MDGA1: variants seen among roughly 807,000 people sequenced by gnomAD.
The protein encoded by MDGA1 is MAM domain containing glycosylphosphatidylinositol anchor 1.
A neutral mutation model predicts 101.5 loss-of-function variants in MDGA1; 54 were observed. That is an observed-to-expected ratio of 0.53 (90% CI 0.43 to 0.67). MDGA1 has a LOEUF of 0.67. Ranked by LOEUF, MDGA1 falls within the 30% of genes least tolerant of loss-of-function variation. MDGA1 has a pLI of 0.00. For missense variants in MDGA1, 1,083 were observed against 1,323.8 expected, an observed-to-expected ratio of 0.82 and a Z score of 2.82; for synonymous variants, 533 against 558.3, an observed-to-expected ratio of 0.95 and a Z score of 0.64.
intron 1 of MDGA1, among the ~76,000 whole-genome samples, chr6:37,667,236 G>T (rs1247898832): frequency 1.3e-5 from 2 of 152,168 alleles, no homozygotes; most frequent in East Asian, 3.9e-4. Context: ...GGTGGACAGT[G>T]GTAGCTGCTA....
rs191361646 is a variant in MDGA1, at chr6:37,685,938, T to C, written c.67+10807A>G. On this transcript the variant is annotated intron_variant, in intron 1 of 16. Coordinates refer to ENST00000434837, the MANE Select transcript of MDGA1 (RefSeq NM_153487.4). ...GTGGGGTGAGTGAGGAGGAGAGCAG[T>C]CATTCACATTCATCTAAATCCCCTT... 4.6e-5 allele frequency among the ~76,000 whole-genome samples: 7 copies of C among 152,156 alleles called. No homozygotes were observed. The East Asian group carries it at 1.4e-3, about 29-fold the overall frequency.
In MDGA1 at chr6:37,647,156, G is replaced by A. The variant is rs765929504; in HGVS notation, c.2046+17C>T. The A allele has an allele frequency of 1.3e-5, 21 of 1,583,344 alleles. No homozygotes were observed. Among genetic ancestry groups the A allele is most frequent in the Admixed American group, 9.0e-5 (5 of 55,364 alleles). On this transcript the variant is annotated intron_variant, in intron 10 of 16. Coordinates refer to ENST00000434837, the MANE Select transcript of MDGA1 (RefSeq NM_153487.4). ...ACACTCCACCTGCCCCCAGGCCCCC[G>A]CTCCCCCTTGGCCCACCTGGCGGAT... is the stretch of plus-strand genomic sequence containing the variant.
At chr6:37,663,753 A>G (rs1761677892) in intron 2 of MDGA1, among the ~76,000 whole-genome samples, 1 of 152,174 alleles carries the variant, frequency 6.6e-6, no homozygotes, top group African/African-American at 2.4e-5. Flanking sequence ...TTTTCCCCTC[A>G]GCCGTCCATG....
chr6:37,696,793 G>C lies in MDGA1; in HGVS notation c.19C>G (p.Leu7Val). 1.3e-6 allele frequency: 2 copies of C among 1,580,920 alleles called. No homozygotes were observed. Among genetic ancestry groups the C allele is most frequent in the Non-Finnish European group, 1.7e-6 (2 of 1,162,888 alleles). MEVTCL[L>V]LLALIPFHCR... Reference sequence around the variant, plus strand: ...TGGAAGGGGATCAGCGCCAGAAGTAGAAGGCAGGTCACCTCCATCTTCACG... The same window carrying C: ...TGGAAGGGGATCAGCGCCAGAAGTACAAGGCAGGTCACCTCCATCTTCACG... The change falls in exon 1 of 17, where the codon CTA becomes GTA. Residue 7 changes from leucine to valine, a missense_variant. Leu to Val is a conservative substitution (Grantham distance 32, BLOSUM62 1). Around this residue, in one of 3 missense-constraint regions of MDGA1, gnomAD observed 310 missense variants for 355.9 expected, o/e 0.87. Coordinates refer to ENST00000434837, the MANE Select transcript of MDGA1 (RefSeq NM_153487.4). This position sits in a 1 kb window ranked among gnomAD's most constrained non-coding sequence, Gnocchi z 5.6.
At chr6:37,691,051 T>G (rs1349345163) in intron 1 of MDGA1, among the ~76,000 whole-genome samples, 1 of 152,166 alleles carries the variant, frequency 6.6e-6, no homozygotes, top group African/African-American at 2.4e-5. Context: ...CCTTGCTACA[T>G]GACATTTATC....
At position 37,649,135 on chromosome 6, in the gene MDGA1, G is replaced by C. The variant is rs1286742218; in HGVS notation, c.1741C>G (p.Leu581Val). 1.3e-6 allele frequency: 2 copies of C among 1,512,866 alleles called. No homozygotes were observed. Among genetic ancestry groups the C allele is most frequent in the Non-Finnish European group, 1.8e-6 (2 of 1,135,400 alleles). 93.7% of individuals were successfully genotyped at this position (1,512,866 alleles called of 1,614,324 possible). A position where few individuals can be genotyped will look rare whatever the true frequency, so the allele number is the denominator to read the frequency against. The change falls in exon 9 of 17, where the codon CTG becomes GTG. Residue 581 changes from leucine to valine, a missense_variant. Physicochemically the swap from Leu to Val is conservative, Grantham distance 32. Transcript: ENST00000434837. ...ASAVWRFKGQ[L>V]LPPPPVVPAA... is the part of the protein sequence containing the mutation. ...GGAACAACAGGCGGCGGCGGCAGCA[G>C]CTGCCCTTTGAAACGCCACACAGCC...
At position 37,663,993 on chromosome 6, in the gene MDGA1, G is replaced by A. The variant is rs1386746351; in HGVS notation, c.181C>T (p.Leu61Phe). 1.9e-6 allele frequency: 3 copies of A among 1,613,914 alleles called. No homozygotes were observed. Among genetic ancestry groups the A allele is most frequent in the Admixed American group, 1.7e-5 (1 of 60,022 alleles). Residue 61 changes from leucine (L) to phenylalanine (F), a missense_variant, in exon 2 of 17, where the codon CTT (leucine) becomes TTT (phenylalanine). Around this residue, in one of 3 missense-constraint regions of MDGA1, gnomAD observed 310 missense variants for 355.9 expected, o/e 0.87. Transcript: ENST00000434837. ...TGGGGTCGAGGGTGCCCTGTTACAA[G>A]GCACTGCAGCATGAGGGTGTCCCCC... The part of the protein sequence containing the change: ...REGDTLMLQC[L>F]VTGHPRPQVR...
chr6:37,688,285 G>A (rs1762239246), intron 1 of MDGA1, among the ~76,000 whole-genome samples: 1 of 152,224 alleles, frequency 6.6e-6, no homozygotes, highest in Non-Finnish European at 1.5e-5. Context: ...GATTCAGGAG[G>A]CCCGGGGTGG....
At chr6:37,663,235 C>A (rs9394447) in intron 2 of MDGA1, among the ~76,000 whole-genome samples, 1 of 152,140 alleles carries the variant, frequency 6.6e-6, no homozygotes, top group Non-Finnish European at 1.5e-5. Flanking sequence ...GTGCTTCCTG[C>A]CTGAGCCATA....
At position 37,661,044 on chromosome 6, in the gene MDGA1, C is replaced by T. The variant is rs998090442; in HGVS notation, c.208-2625G>A. Among the ~76,000 whole-genome samples, 7 of 152,102 alleles carry T rather than the reference C, an allele frequency of 4.6e-5. No individual in the cohort carries two copies. The East Asian group carries it at 1.3e-3, about 29-fold the overall frequency. The stretch of plus-strand genomic sequence containing the variant: ...TCTCATAGGTGGCTACATTTTTATC[C>T]ACACCCTGAAGGACAGTCTGTTCCC... On this transcript the variant is annotated intron_variant, in intron 2 of 16. Coordinates refer to ENST00000434837, the MANE Select transcript of MDGA1 (RefSeq NM_153487.4).
At position 37,638,727 on chromosome 6, in the gene MDGA1, A is replaced by G; in HGVS notation, c.2537-60T>C. 6.4e-7 allele frequency: 1 copy of G among 1,552,916 alleles called. No individual in the cohort carries two copies. Among genetic ancestry groups the G allele is most frequent in the Non-Finnish European group, 8.7e-7 (1 of 1,146,660 alleles). On this transcript the variant is annotated intron_variant, in intron 14 of 16. Coordinates refer to ENST00000434837, the MANE Select transcript of MDGA1 (RefSeq NM_153487.4). This position sits in a 1 kb window ranked among gnomAD's most constrained non-coding sequence, Gnocchi z 4.8. ...CTGGCCAGGGCACCCTCACCTTTCC[A>G]CATTTACCAAGCCCTCTTCTCCCAC...
At chr6:37,694,013 C>T (rs1474834213) in intron 1 of MDGA1, among the ~76,000 whole-genome samples, 1 of 152,228 alleles carries the variant, frequency 6.6e-6, no homozygotes. Context: ...CAGAGACACA[C>T]AGCCTAGGCC....
At chr6:37,650,680 G>A (rs1354274694) in intron 7 of MDGA1, among the ~76,000 whole-genome samples, 2 of 152,138 alleles carry the variant, frequency 1.3e-5, no homozygotes, top group African/African-American at 4.8e-5. Context: ...TAAGTACTAG[G>A]GATTCCACCT....
At chr6:37,668,645 C>G (rs186616175) in intron 1 of MDGA1, among the ~76,000 whole-genome samples, 111 of 152,220 alleles carry the variant, frequency 7.3e-4, no homozygotes, top group Middle Eastern at 3.4e-3. Flanking sequence ...AGTGAAAGAA[C>G]CCAGACACAA....
chr6:37,681,008 C>CG (rs1274918452), intron 1 of MDGA1, among the ~76,000 whole-genome samples: 1 of 150,336 alleles, frequency 6.7e-6, no homozygotes, highest in Non-Finnish European at 1.5e-5. Flanking sequence ...CCCCCCCCCC[C>CG]AGGAAACCTG....
At chr6:37,684,351 G>A (rs1762155471) in intron 1 of MDGA1, among the ~76,000 whole-genome samples, 1 of 152,322 alleles carries the variant, frequency 6.6e-6, no homozygotes, top group South Asian at 2.1e-4. Flanking sequence ...CATCTAACCA[G>A]AGTTCTAGAC....
Position 37,658,323 on chromosome 6 carries a change from G to C in MDGA1, c.304C>G (p.Gln102Glu), listed in dbSNP as rs1761538842. ...TLRIERIART[Q>E]GGRYYCKAEN... ...GCCTTGCAGTAGTAGCGGCCGCCCT[G>C]CGTGCGTGCAATACGCTCGATGCGC... The change falls in exon 3 of 17, where the codon CAG becomes GAG. Residue 102 changes from glutamine to glutamate, a missense_variant. Gln to Glu is a conservative substitution (Grantham distance 29). Coordinates refer to ENST00000434837, the MANE Select transcript of MDGA1 (RefSeq NM_153487.4). The C allele has an allele frequency of 2.5e-6, 4 of 1,612,794 alleles. No homozygotes were observed. The highest frequency in any genetic ancestry group is 3.4e-6 in the Non-Finnish European group (4 of 1,179,652).
intron 1 of MDGA1, among the ~76,000 whole-genome samples, chr6:37,688,496 C>T (rs1416872606): frequency 3.9e-5 from 6 of 152,208 alleles, no homozygotes; most frequent in Admixed American, 6.5e-5. Context: ...CTGCTCAAGC[C>T]ACCACCCAGC....
In MDGA1 at chr6:37,655,879, G is replaced by T; in HGVS notation, c.400C>A (p.Leu134Met). The change falls in exon 4 of 17, where the codon CTG (leucine) becomes ATG (methionine). Residue 134 changes from leucine to methionine, a missense_variant. Leu to Met is a conservative substitution (Grantham distance 15). Coordinates refer to ENST00000434837, the MANE Select transcript of MDGA1 (RefSeq NM_153487.4). This position sits in a 1 kb window ranked among gnomAD's most constrained non-coding sequence, Gnocchi z 5.1. ...VDVQYLDEPM[L>M]TVHQTVSDVR... ...TCGCTCACCGTCTGGTGCACCGTCA[G>T]CATTGGCTCATCCAGGTCTGCAAGG... The T allele has an allele frequency of 6.2e-7, 1 of 1,612,700 alleles. No individual in the cohort carries two copies. Among genetic ancestry groups the T allele is most frequent in the Non-Finnish European group, 8.5e-7 (1 of 1,179,328 alleles).
Sources: allele counts gnomAD v4.1 joint callset (sites outside exome capture counted in the v4.1 genomes callset), GRCh38; gene constraint gnomAD v4.1.1; regional missense constraint gnomAD v4.1.1; non-coding constraint Gnocchi (gnomAD v3.1); transcripts MANE v1.5; gene names NCBI Gene and HGNC (gene_info 2026-07-23, HGNC 2026-07-21).